Variants in TENM2 observed in about 807,000 individuals in gnomAD.
TENM2 encodes the protein teneurin transmembrane protein 2, also known as teneurin-2.
A neutral mutation model predicts 245.2 loss-of-function variants in TENM2; 52 were observed. That is an observed-to-expected ratio of 0.21 (90% confidence interval 0.17 to 0.27). The LOEUF is 0.27. Among genes scored for constraint, TENM2 ranks in the 10% least tolerant of loss-of-function variants. The probability of loss-of-function intolerance (pLI) is 1.00; values close to 1 mark genes in which losing one functional copy is unlikely to be tolerated. For synonymous variants in TENM2, 1,363 were observed against 1,438.9 expected (o/e 0.95, Z 1.19); for missense variants, 3,046 against 3,666.8 (o/e 0.83, Z 4.37).
At chr5:167,783,429 A>G (rs1764342608) in intron 2 of TENM2, among the ~76,000 whole-genome samples, 1 of 152,144 alleles carries the variant, frequency 6.6e-6, no homozygotes, top group Non-Finnish European at 1.5e-5. Flanking sequence ...ATTGGGAACC[A>G]GAGTACAATA....
chr5:167,310,978 G>A (rs1202245908), intron 1 of TENM2, among the ~76,000 whole-genome samples: 2 of 152,114 alleles, frequency 1.3e-5, no homozygotes, highest in African/African-American at 2.4e-5. Flanking sequence ...TCAAAATATT[G>A]TGTTATTAAT....
intron 4 of TENM2, among the ~76,000 whole-genome samples, chr5:167,968,590 A>T (rs1198871292): frequency 6.6e-6 from 1 of 152,164 alleles, no homozygotes; most frequent in Admixed American, 6.5e-5. Context: ...TTTTTATTTT[A>T]TTTTTTAATT....
chr5:167,471,927 C>T (rs1161298878), intron 2 of TENM2, among the ~76,000 whole-genome samples: 8 of 152,204 alleles, frequency 5.3e-5, no homozygotes, highest in Admixed American at 3.9e-4. Flanking sequence ...TTTTCTTTCT[C>T]TGAGCCTTCT....
At chr5:168,234,398 T>C (rs1219915218) in intron 25 of TENM2, among the ~76,000 whole-genome samples, 9 of 152,154 alleles carry the variant, frequency 5.9e-5, no homozygotes, top group Admixed American at 6.5e-5. Flanking sequence ...CTGTATCTTA[T>C]AATAGACATC....
chr5:168,164,097 A>C (rs933491554), intron 13 of TENM2, among the ~76,000 whole-genome samples: 1 of 152,212 alleles, frequency 6.6e-6, no homozygotes, highest in Admixed American at 6.5e-5. Flanking sequence ...CTTTTGTTAC[A>C]TTCCAGCCTT....
intron 2 of TENM2, among the ~76,000 whole-genome samples, chr5:167,593,472 T>C (rs1177590946): frequency 5.9e-5 from 9 of 152,216 alleles, no homozygotes; most frequent in African/African-American, 2.4e-5. Flanking sequence ...AATAAAACTT[T>C]CTTTGAACTG....
rs889708525 is a variant in TENM2 at position 167,755,325 on chromosome 5, T to C, written c.503-120661T>C. ...ATGGGAGACTTGACGGTGAAACTAT[T>C]TGATTTCGCACCGCAGTTGTCTTAA... On this transcript the variant is annotated intron_variant, in intron 2 of 28. Transcript: ENST00000518659. 4.8e-6 allele frequency: 3 copies of C among 620,662 alleles called. No individual in the cohort carries two copies. The African/African-American group carries it at 5.5e-5, about 11-fold the overall frequency. The allele number at this position is 620,662 out of a possible 1,614,324, so 38.4% of individuals were successfully genotyped here.
chr5:167,652,476 C>T (rs1481910192), intron 2 of TENM2, among the ~76,000 whole-genome samples: 3 of 152,168 alleles, frequency 2.0e-5, no homozygotes, highest in African/African-American at 7.2e-5. Flanking sequence ...AATATGTGCT[C>T]AGTCCCTTCT....
At chr5:167,356,217 AAAAATT>A (rs1759324511) in intron 1 of TENM2, among the ~76,000 whole-genome samples, 3 of 129,104 alleles carry the variant, frequency 2.3e-5, no homozygotes, top group African/African-American at 3.2e-5. Flanking sequence ...AAAAAAAAAA[AAAAATT>A]AAAATTAAAA....
At chr5:168,156,466 T>G (rs543504288) in intron 12 of TENM2, among the ~76,000 whole-genome samples, 2 of 152,252 alleles carry the variant, frequency 1.3e-5, no homozygotes, top group African/African-American at 4.8e-5. Flanking sequence ...ATGCTTGATG[T>G]TGAATATTAA....
At chr5:168,110,050 T>C (rs1335709280) in intron 9 of TENM2, among the ~76,000 whole-genome samples, 1 of 151,328 alleles carries the variant, frequency 6.6e-6, no homozygotes, top group Non-Finnish European at 1.5e-5. Context: ...TTTTTTTTTT[T>C]TTTTTTTTTC....
chr5:168,070,978 G>A (rs371562458), intron 7 of TENM2, among the ~76,000 whole-genome samples: 37 of 151,502 alleles, frequency 2.4e-4, no homozygotes, highest in African/African-American at 8.5e-4. Flanking sequence ...AAGGGAAAGG[G>A]AAAGGAAAAG....
At chr5:167,872,701 A>G (rs1166563911) in intron 2 of TENM2, among the ~76,000 whole-genome samples, 2 of 152,228 alleles carry the variant, frequency 1.3e-5, no homozygotes, top group African/African-American at 2.4e-5. Flanking sequence ...GCAGAAAAAT[A>G]ACAGGAATCA....
intron 6 of TENM2, among the ~76,000 whole-genome samples, chr5:168,052,024 C>T (rs945305110): frequency 6.6e-6 from 1 of 151,998 alleles, no homozygotes; most frequent in Non-Finnish European, 1.5e-5. Context: ...CTTTGGGATG[C>T]GAAAGTGAGA....
chr5:167,992,166 G>T (rs1204157183), intron 4 of TENM2, among the ~76,000 whole-genome samples: 1 of 152,102 alleles, frequency 6.6e-6, no homozygotes, highest in African/African-American at 2.4e-5. Flanking sequence ...ATTAGGTATA[G>T]TGGACACTGC....
chr5:167,636,693 A>C (rs189249980), intron 2 of TENM2, among the ~76,000 whole-genome samples: 1 of 152,356 alleles, frequency 6.6e-6, no homozygotes, highest in East Asian at 1.9e-4. Flanking sequence ...CATGCATAAC[A>C]GTTGTGATTG....
At chr5:168,146,770 G>A (rs1279262400) in intron 12 of TENM2, among the ~76,000 whole-genome samples, 1 of 152,220 alleles carries the variant, frequency 6.6e-6, no homozygotes, top group Admixed American at 6.5e-5. Context: ...GTTAAGCAAT[G>A]TGTGAAAGGC....
At chr5:167,591,270 T>A (rs1320978206) in intron 2 of TENM2, among the ~76,000 whole-genome samples, 1 of 152,216 alleles carries the variant, frequency 6.6e-6, no homozygotes, top group Non-Finnish European at 1.5e-5. Flanking sequence ...AGTTCAACAA[T>A]AAAGACTTGT....
At chr5:166,979,048 T>C in the TENM2 span, among the ~76,000 whole-genome samples, 1 of 151,206 alleles carries the variant, frequency 6.6e-6, no homozygotes, top group South Asian at 2.1e-4. Context: ...AGAGCTCGCG[T>C]GCAGGAGTCA....
Sources: gnomAD v4.1 joint callset for allele counts (sites outside exome capture counted in the v4.1 genomes callset) on GRCh38, gnomAD v4.1.1 for gene constraint, MANE v1.5 for transcripts, NCBI Gene and HGNC (gene_info 2026-07-23, HGNC 2026-07-21) for gene names.